The following TENM2 variants were observed in gnomAD, a reference collection of about 807,000 sequenced individuals.
The protein encoded by TENM2 is teneurin transmembrane protein 2.
TENM2 carries 52 observed loss-of-function variants against 245.2 expected under a neutral mutation model. That is an observed-to-expected ratio of 0.21 (90% CI 0.17 to 0.27). The LOEUF (loss-of-function observed/expected upper bound fraction) is 0.27, where lower values mean the gene tolerates loss of function less well. Among genes scored for constraint, TENM2 ranks in the 10% least tolerant of loss-of-function variants. The pLI is 1.00. For synonymous variants in TENM2, 1,363 were observed against 1,438.9 expected, an observed-to-expected ratio of 0.95 and a Z score of 1.19; for missense variants, 3,046 against 3,666.8, an observed-to-expected ratio of 0.83 and a Z score of 4.37.
chr5:168,211,848 T>C, intron 20 of TENM2, 94 bp downstream of exon 22: 2 of 744,390 alleles, frequency 2.7e-6, no homozygotes, highest in Non-Finnish European at 4.3e-6. Context: ...TGTAATGTTG[T>C]ATATTTTTAT....
chr5:167,185,640 C>T, the TENM2 span, among the ~76,000 whole-genome samples: 1 of 152,106 alleles, frequency 6.6e-6, no homozygotes, highest in East Asian at 1.9e-4. Flanking sequence ...CTTATATAAA[C>T]TTTATGCTAT....
chr5:168,011,990 G>A (rs1054769233), intron 5 of TENM2, among the ~76,000 whole-genome samples: 3 of 152,174 alleles, frequency 2.0e-5, no homozygotes, highest in Non-Finnish European at 4.4e-5. Flanking sequence ...ATAGTCAGTG[G>A]TTAGGATTTG....
chr5:167,492,572 T>C (rs2127544263), intron 2 of TENM2, among the ~76,000 whole-genome samples: 1 of 152,272 alleles, frequency 6.6e-6, no homozygotes, highest in African/African-American at 2.4e-5. Context: ...ATATGGCTAT[T>C]TTATAGAATT....
intron 1 of TENM2, among the ~76,000 whole-genome samples, chr5:167,363,331 G>T (rs549545240): frequency 6.6e-6 from 1 of 152,282 alleles, no homozygotes; most frequent in African/African-American, 2.4e-5. Context: ...CATGCACATT[G>T]CCTGTGTAGA....
At chr5:167,137,796 G>A in the TENM2 span, among the ~76,000 whole-genome samples, 252 of 152,206 alleles carry the variant, frequency 1.7e-3, 2 homozygotes, top group African/African-American at 5.8e-3. Flanking sequence ...TGATCATTTA[G>A]GCTATTAACA....
chr5:167,493,654 T>C (rs1323098379), intron 2 of TENM2, among the ~76,000 whole-genome samples: 2 of 152,110 alleles, frequency 1.3e-5, no homozygotes, highest in African/African-American at 2.4e-5. Context: ...TTACATGATA[T>C]CTTAGTTCAT....
chr5:167,877,407 T>C (rs1017753095), intron 3 of TENM2, among the ~76,000 whole-genome samples: 3 of 152,222 alleles, frequency 2.0e-5, no homozygotes, highest in African/African-American at 4.8e-5. Context: ...CAAAAAAAAT[T>C]ACCTAATCAA....
At chr5:167,793,801 A>T (rs1005705298) in intron 2 of TENM2, among the ~76,000 whole-genome samples, 1 of 151,088 alleles carries the variant, frequency 6.6e-6, no homozygotes, top group Admixed American at 6.6e-5. Flanking sequence ...GTGCCACTGC[A>T]CTCCAGCCTG....
chr5:166,983,473 G>A, the TENM2 span, among the ~76,000 whole-genome samples: 1 of 152,072 alleles, frequency 6.6e-6, no homozygotes, highest in Non-Finnish European at 1.5e-5. Flanking sequence ...CTTTTCGAAT[G>A]TACTATGAGT....
At chr5:168,228,858 TATTATTATA>T (rs960578568) in intron 25 of TENM2, among the ~76,000 whole-genome samples, 152 of 148,402 alleles carry the variant, frequency 1.0e-3, no homozygotes, top group Middle Eastern at 3.6e-3. Context: ...TTAATTATAT[TATTATTATA>T]ATTATTATAT....
At chr5:167,908,798 G>T (rs1249017907) in intron 3 of TENM2, among the ~76,000 whole-genome samples, 1 of 151,590 alleles carries the variant, frequency 6.6e-6, no homozygotes. Flanking sequence ...AAGCTTGGCA[G>T]TTCTCCAGCC....
chr5:167,268,310 C>T, the TENM2 span, among the ~76,000 whole-genome samples: 1 of 152,180 alleles, frequency 6.6e-6, no homozygotes, highest in African/African-American at 2.4e-5. Context: ...AGATTTCAAA[C>T]TATTGTCACA....
At chr5:168,035,680 A>G (rs6896795) in intron 5 of TENM2, among the ~76,000 whole-genome samples, 34,879 of 151,958 alleles carry the variant, frequency 0.23, 4,649 homozygotes, top group African/African-American at 0.35. Context: ...CAAAGCTTAA[A>G]GGATCTGAGG....
intron 2 of TENM2, among the ~76,000 whole-genome samples, chr5:167,808,372 G>C (rs1583062794): frequency 6.6e-6 from 1 of 152,184 alleles, no homozygotes; most frequent in African/African-American, 2.4e-5. Flanking sequence ...CGATTTTCCT[G>C]CCTCAGCCTT....
chr5:168,027,460 TGCTCA>T (rs1786727753), intron 5 of TENM2, among the ~76,000 whole-genome samples: 1 of 152,210 alleles, frequency 6.6e-6, no homozygotes, highest in Non-Finnish European at 1.5e-5. Context: ...AAGAAAAAAG[TGCTCA>T]GCTCCAAATC....
At chr5:167,199,097 TAAAAAAAAA>T in the TENM2 span, among the ~76,000 whole-genome samples, 10 of 79,330 alleles carry the variant, frequency 1.3e-4, no homozygotes, top group Admixed American at 1.4e-3. Flanking sequence ...TGATATGAAG[TAAAAAAAAA>T]AAAAAAAAAA....
intron 2 of TENM2, among the ~76,000 whole-genome samples, chr5:167,431,402 G>A (rs951804310): frequency 2.6e-5 from 4 of 152,076 alleles, no homozygotes; most frequent in African/African-American, 9.7e-5. Flanking sequence ...AAAGTGTATC[G>A]CAAGTAATTT....
At chr5:168,063,454 A>T (rs1159735138) in intron 7 of TENM2, among the ~76,000 whole-genome samples, 1 of 152,144 alleles carries the variant, frequency 6.6e-6, no homozygotes, top group Non-Finnish European at 1.5e-5. Flanking sequence ...TCCTGTGAAA[A>T]AACCAGTGGG....
the TENM2 span, among the ~76,000 whole-genome samples, chr5:167,195,389 C>T: frequency 2.0e-5 from 3 of 151,974 alleles, 1 homozygote; most frequent in African/African-American, 7.2e-5. Context: ...TGAGCACATA[C>T]TATAAGTCAG....
Sources: gnomAD v4.1 joint callset for allele counts (sites outside exome capture counted in the v4.1 genomes callset) on GRCh38, gnomAD v4.1.1 for gene constraint, MANE v1.5 for transcripts, NCBI Gene and HGNC (gene_info 2026-07-23, HGNC 2026-07-21) for gene names.